PPTC7: variants seen among roughly 807,000 people sequenced by gnomAD.
The protein encoded by PPTC7 is protein phosphatase targeting COQ7, also known as protein phosphatase PTC7 homolog.
PPTC7 carries 6 observed loss-of-function variants against 30.8 expected under a neutral mutation model. The observed-to-expected ratio is 0.19, with a 90% CI of 0.11 to 0.38. The LOEUF (loss-of-function observed/expected upper bound fraction) is 0.38, where lower values mean the gene tolerates loss of function less well. Ranked by LOEUF, PPTC7 falls within the 10% of genes least tolerant of loss-of-function variation. PPTC7 has a pLI of 1.00. For synonymous variants in PPTC7, 163 were observed against 168.1 expected (o/e 0.97, Z 0.23); for missense variants, 218 against 404.8 (o/e 0.54, Z 3.96).
Position 110,534,018 on chromosome 12 carries a change from A to AT in PPTC7, c.*3018dup, listed in dbSNP as rs1411663656. 2.6e-5 allele frequency: 4 copies of AT among 152,080 alleles called. No homozygotes were observed. The highest frequency in any genetic ancestry group is 9.7e-5 in the African/African-American group (4 of 41,410). The allele number at this position is 152,080 out of a possible 1,614,324, so 9.4% of individuals were successfully genotyped here. On this transcript the variant is annotated 3_prime_UTR_variant, in exon 6 of 6. Coordinates refer to ENST00000354300, the MANE Select transcript of PPTC7 (RefSeq NM_139283.2). Reference sequence around the variant, plus strand: ...TTTTGTGATTTAGTACCCAACAACCATGTCAAGCAAGTACAGTAACTCAGG... The same window carrying AT: ...TTTTGTGATTTAGTACCCAACAACCATTGTCAAGCAAGTACAGTAACTCAGG...
chr12:110,567,004 G>C (rs1015067073), intron 1 of PPTC7, among the ~76,000 whole-genome samples: 1 of 152,152 alleles, frequency 6.6e-6, no homozygotes, highest in Non-Finnish European at 1.5e-5. Flanking sequence ...CCAACTCAAA[G>C]ATTTCTCATT....
rs957371803 is a variant in PPTC7 at position 110,535,198 on chromosome 12, C to T, written c.*1839G>A. ...AAATAGAGACTCCGTCCAGACCCCC[C>T]ACCCCGCCCCCACCGCGTCTACCAA... On this transcript the variant is annotated 3_prime_UTR_variant, in exon 6 of 6. Transcript: ENST00000354300. 6.6e-6 allele frequency: 1 copy of T among 152,402 alleles called. No homozygotes were observed. The highest frequency in any genetic ancestry group is 1.5e-5 in the Non-Finnish European group (1 of 68,002). 9.4% of individuals were successfully genotyped at this position (152,402 alleles called of 1,614,324 possible). A position where few individuals can be genotyped will look rare whatever the true frequency, so the allele number is the denominator to read the frequency against.
chr12:110,577,318 A>C (rs115154883), intron 1 of PPTC7, among the ~76,000 whole-genome samples: 4 of 151,518 alleles, frequency 2.6e-5, no homozygotes, highest in African/African-American at 9.7e-5. Flanking sequence ...AAAGAAAAAA[A>C]AATTATGGTA....
chr12:110,583,102 C>G lies in PPTC7; in HGVS notation c.-71G>C, dbSNP rs1390352814. On this transcript the variant is annotated 5_prime_UTR_variant, in exon 1 of 6. Coordinates refer to ENST00000354300, the MANE Select transcript of PPTC7 (RefSeq NM_139283.2). ...AGGACGCGGAGGCCCGGAGCCGGCTCTCTCCTCAGCCGCAGTCGCGCCGCC... is the reference window on the plus strand; with the variant it reads ...AGGACGCGGAGGCCCGGAGCCGGCTGTCTCCTCAGCCGCAGTCGCGCCGCC... 5 of 1,229,650 alleles carry G rather than the reference C, an allele frequency of 4.1e-6. No homozygotes were observed. The highest frequency in any genetic ancestry group is 5.2e-6 in the Non-Finnish European group (5 of 965,300). The allele number at this position is 1,229,650 out of a possible 1,614,324, so 76.2% of individuals were successfully genotyped here.
At chr12:110,539,033 T>G (rs1040599100) in intron 4 of PPTC7, among the ~76,000 whole-genome samples, 2 of 150,918 alleles carry the variant, frequency 1.3e-5, no homozygotes, top group East Asian at 2.0e-4. Flanking sequence ...TGCTCACCAC[T>G]GTGTCACCAC....
At chr12:110,549,411 AGTT>A (rs2064334781) in intron 2 of PPTC7, among the ~76,000 whole-genome samples, 1 of 152,130 alleles carries the variant, frequency 6.6e-6, no homozygotes, top group Non-Finnish European at 1.5e-5. Flanking sequence ...TATCTGGTAA[AGTT>A]GTCATGATTT....
rs756525742 is a variant in PPTC7 at position 110,551,884 on chromosome 12, C to T, written c.308G>A (p.Arg103His). 21 of 1,613,980 alleles carry T rather than the reference C, an allele frequency of 1.3e-5. No individual in the cohort carries two copies. The highest frequency in any genetic ancestry group is 1.6e-5 in the Non-Finnish European group (19 of 1,179,966). ...FSGTLMRTCE[R>H]LVKEGRFVPS... is the part of the protein sequence containing the mutation. The stretch of plus-strand genomic sequence containing the variant: ...TACGAACCGTCCTTCTTTTACTAAA[C>T]GTTCACACGTCCGCATTAAAGTCCC... The change falls in exon 2 of 6, where the codon CGT becomes CAT. Residue 103 changes from arginine (R) to histidine (H), a missense_variant. Transcript: ENST00000354300.
chr12:110,566,336 C>T (rs762163206), intron 1 of PPTC7, among the ~76,000 whole-genome samples: 41 of 152,180 alleles, frequency 2.7e-4, no homozygotes, highest in Admixed American at 2.7e-3. Context: ...AAAAGAAAAT[C>T]TAAAATGATC....
At chr12:110,556,849 A>G (rs758224789) in intron 1 of PPTC7, among the ~76,000 whole-genome samples, 2 of 152,150 alleles carry the variant, frequency 1.3e-5, no homozygotes, top group Non-Finnish European at 2.9e-5. Flanking sequence ...CAGGAGGGTC[A>G]ACAGCCAGTG....
chr12:110,577,156 G>A (rs1307441195), intron 1 of PPTC7, among the ~76,000 whole-genome samples: 1 of 110,174 alleles, frequency 9.1e-6, no homozygotes, highest in Admixed American at 1.2e-4. Flanking sequence ...ACAAGGGCGA[G>A]ACTCTGTCTC....
At chr12:110,564,770 G>GTA (rs1491433614) in intron 1 of PPTC7, among the ~76,000 whole-genome samples, 3 of 145,102 alleles carry the variant, frequency 2.1e-5, no homozygotes, top group East Asian at 2.0e-4. Flanking sequence ...ATATATACAC[G>GTA]TATATATATA....
At position 110,535,180 on chromosome 12, in the gene PPTC7, G is replaced by T. The variant is rs1386372078; in HGVS notation, c.*1857C>A. 6.6e-6 allele frequency: 1 copy of T among 152,446 alleles called. No individual in the cohort carries two copies. The allele number at this position is 152,446 out of a possible 1,614,324, so 9.4% of individuals were successfully genotyped here. On this transcript the variant is annotated 3_prime_UTR_variant, in exon 6 of 6. Transcript: ENST00000354300. ...GCATGATGATTTCTCCTTAAATAGA[G>T]ACTCCGTCCAGACCCCCCACCCCGC...
At chr12:110,556,723 T>C (rs556431860) in intron 1 of PPTC7, among the ~76,000 whole-genome samples, 1 of 152,296 alleles carries the variant, frequency 6.6e-6, no homozygotes, top group East Asian at 1.9e-4. Flanking sequence ...ACATTGTGCA[T>C]GCTGCGCTAG....
intron 1 of PPTC7, among the ~76,000 whole-genome samples, chr12:110,556,042 T>C (rs185547286): frequency 2.3e-4 from 35 of 152,342 alleles, no homozygotes; most frequent in Middle Eastern, 3.4e-3. Flanking sequence ...CATCTGCAAA[T>C]GCTCTTCACA....
chr12:110,567,584 C>G (rs2064495319), intron 1 of PPTC7, among the ~76,000 whole-genome samples: 1 of 152,318 alleles, frequency 6.6e-6, no homozygotes, highest in African/African-American at 2.4e-5. Context: ...TATCACCAAG[C>G]CTACCATGAG....
At chr12:110,549,092 T>C (rs2064332777) in intron 2 of PPTC7, among the ~76,000 whole-genome samples, 1 of 152,216 alleles carries the variant, frequency 6.6e-6, no homozygotes, top group African/African-American at 2.4e-5. Context: ...AATATTTTTA[T>C]CACCCAGCTC....
In PPTC7 at chr12:110,536,897, T is replaced by G; in HGVS notation, c.*140A>C. ...GGTTCTCAACAAAGATCTCAACGAGTCTCAAGAAGACAGGCAAAAGACTTA... is the reference window on the plus strand; with the variant it reads ...GGTTCTCAACAAAGATCTCAACGAGGCTCAAGAAGACAGGCAAAAGACTTA... On this transcript the variant is annotated 3_prime_UTR_variant, in exon 6 of 6. Coordinates refer to ENST00000354300, the MANE Select transcript of PPTC7 (RefSeq NM_139283.2). The G allele has an allele frequency of 1.5e-6, 1 of 662,842 alleles. No homozygotes were observed. Among genetic ancestry groups the G allele is most frequent in the Non-Finnish European group, 2.7e-6 (1 of 367,426 alleles). The allele number at this position is 662,842 out of a possible 1,614,324, so 41.1% of individuals were successfully genotyped here.
At chr12:110,575,607 CAAAAAAAAAAAAAAA>C (rs55831249) in intron 1 of PPTC7, among the ~76,000 whole-genome samples, 875 of 26,578 alleles carry the variant, frequency 0.033, 35 homozygotes, top group African/African-American at 0.11. Flanking sequence ...AACCCCACCT[CAAAAAAAAAAAAAAA>C]AAAAAAAAAA....
chr12:110,583,114 G>A lies in PPTC7; in HGVS notation c.-83C>T. On this transcript the variant is annotated 5_prime_UTR_variant, in exon 1 of 6. Transcript: ENST00000354300. ...CCCGGAGCCGGCTCTCTCCTCAGCC[G>A]CAGTCGCGCCGCCGCTGGGGCGCTC... 2 of 1,131,336 alleles carry A rather than the reference G, an allele frequency of 1.8e-6. No homozygotes were observed. The highest frequency in any genetic ancestry group is 2.3e-6 in the Non-Finnish European group (2 of 886,040). The allele number at this position is 1,131,336 out of a possible 1,614,324, so 70.1% of individuals were successfully genotyped here.
Sources: gnomAD v4.1 joint callset for allele counts (sites outside exome capture counted in the v4.1 genomes callset) on GRCh38, gnomAD v4.1.1 for gene constraint, MANE v1.5 for transcripts, NCBI Gene and HGNC (gene_info 2026-07-23, HGNC 2026-07-21) for gene names.